IKBKB: variants seen among roughly 807,000 people sequenced by gnomAD.
IKBKB encodes inhibitor of nuclear factor kappa B kinase subunit beta.
IKBKB carries 42 observed loss-of-function variants against 113.6 expected under a neutral mutation model. The ratio of observed to expected loss-of-function variants is 0.37; its 90% CI spans 0.29 to 0.48. IKBKB has a LOEUF of 0.48. Among genes scored for constraint, IKBKB ranks in the 20% least tolerant of loss-of-function variants. IKBKB has a pLI of 0.99. For missense variants in IKBKB, 673 were observed against 939.7 expected, an observed-to-expected ratio of 0.72 and a Z score of 3.71; for synonymous variants, 296 against 361.3, an observed-to-expected ratio of 0.82 and a Z score of 2.05.
At chr8:42,292,258 T>A (rs1812793929) in intron 4 of IKBKB, among the ~76,000 whole-genome samples, 2 of 152,212 alleles carry the variant, frequency 1.3e-5, no homozygotes, top group Non-Finnish European at 2.9e-5. Flanking sequence ...GTGGCCAGAT[T>A]ACAGAGGGCT....
At chr8:42,286,653 G>C (rs910482855) in intron 2 of IKBKB, among the ~76,000 whole-genome samples, 1 of 152,172 alleles carries the variant, frequency 6.6e-6, no homozygotes, top group Admixed American at 6.5e-5. Context: ...TTTTTGTAGA[G>C]ATGGGGTTTT....
intron 3 of IKBKB, among the ~76,000 whole-genome samples, chr8:42,289,110 G>T (rs1812037232): frequency 6.6e-6 from 1 of 152,204 alleles, no homozygotes. Context: ...AGCCGCTCGG[G>T]TGGCTGAGGC....
chr8:42,282,997 G>C (rs1291915069), intron 2 of IKBKB, among the ~76,000 whole-genome samples: 1 of 152,074 alleles, frequency 6.6e-6, no homozygotes, highest in Non-Finnish European at 1.5e-5. Flanking sequence ...AGTTAGTTTT[G>C]GTATCTATGC....
intron 2 of IKBKB, among the ~76,000 whole-genome samples, chr8:42,274,240 T>C (rs76377367): frequency 2.6e-3 from 399 of 152,136 alleles, no homozygotes; most frequent in African/African-American, 9.1e-3. Flanking sequence ...ATGTAGGCCA[T>C]GCCGGTCTCA....
At chr8:42,317,832 G>C in intron 12 of IKBKB, 61 bp downstream of exon 12, 2 of 1,244,406 alleles carry the variant, frequency 1.6e-6, no homozygotes. Flanking sequence ...GGACAAGGCA[G>C]GGAAGGGAGA....
Position 42,275,692 on chromosome 8 carries a change from G to A in IKBKB, c.105+3487G>A, listed in dbSNP as rs541909319. On this transcript the variant is annotated intron_variant, in intron 2 of 21. Transcript: ENST00000520810. ...TTTCTTTGTTCATTTGTTCATTGAT[G>A]GACATTTAGGTTGATTACATATTTT... 5.9e-5 allele frequency among the ~76,000 whole-genome samples: 9 copies of A among 152,256 alleles called. No homozygotes were observed. In the East Asian group the frequency reaches 1.7e-3, roughly 29 times the overall value.
intron 11 of IKBKB, chr8:42,317,174 C>G: frequency 2.1e-6 from 1 of 485,852 alleles, no homozygotes; most frequent in Non-Finnish European, 3.7e-6. Context: ...ACTCGAATCT[C>G]TCAAGTTGCC....
At chr8:42,295,005 T>C (rs941419412) in intron 5 of IKBKB, among the ~76,000 whole-genome samples, 1 of 152,106 alleles carries the variant, frequency 6.6e-6, no homozygotes, top group Non-Finnish European at 1.5e-5. Context: ...TGTTTCTCTT[T>C]GGTTAAAGCT....
At chr8:42,280,712 A>C (rs1037084343) in intron 2 of IKBKB, among the ~76,000 whole-genome samples, 1 of 152,084 alleles carries the variant, frequency 6.6e-6, no homozygotes, top group Non-Finnish European at 1.5e-5. Context: ...GGCTGTGAGG[A>C]GGGCCAGGAA....
At chr8:42,330,342 T>C in intron 21 of IKBKB, 1 of 978,516 alleles carries the variant, frequency 1.0e-6, no homozygotes, top group Non-Finnish European at 1.2e-6. Flanking sequence ...CTTTTTAATT[T>C]GTATTTGTTT....
At chr8:42,302,225 A>T (rs1052915549) in intron 5 of IKBKB, among the ~76,000 whole-genome samples, 3 of 152,214 alleles carry the variant, frequency 2.0e-5, no homozygotes, top group African/African-American at 7.2e-5. Context: ...TTGATTTTTA[A>T]TAAAAGTAAA....
chr8:42,273,872 C>T (rs755837154), intron 2 of IKBKB, among the ~76,000 whole-genome samples: 7 of 151,974 alleles, frequency 4.6e-5, no homozygotes, highest in African/African-American at 7.3e-5. Context: ...TTTTAATTGA[C>T]ACATAATAAT....
At chr8:42,284,618 A>T (rs1359685497) in intron 2 of IKBKB, among the ~76,000 whole-genome samples, 1 of 151,942 alleles carries the variant, frequency 6.6e-6, no homozygotes, top group Non-Finnish European at 1.5e-5. Flanking sequence ...ATACTGCTAC[A>T]ACAGGAATTG....
intron 15 of IKBKB, 89 bp downstream of exon 15, chr8:42,319,735 A>C (rs1038135388): frequency 9.7e-5 from 108 of 1,108,350 alleles, no homozygotes; most frequent in Non-Finnish European, 1.4e-4. Context: ...CACTGGGTCG[A>C]TCTCTGTCAA....
chr8:42,321,099 G>T (rs975922350), intron 16 of IKBKB: 6 of 358,622 alleles, frequency 1.7e-5, no homozygotes, highest in Non-Finnish European at 3.0e-5. Context: ...GCCATAATCT[G>T]TAAAGGCTGT....
intron 5 of IKBKB, among the ~76,000 whole-genome samples, chr8:42,299,983 C>T (rs563534492): frequency 8.7e-4 from 132 of 152,314 alleles, no homozygotes; most frequent in African/African-American, 3.1e-3. Flanking sequence ...CCAGACTGTG[C>T]AGGAAGTTAG....
intron 5 of IKBKB, among the ~76,000 whole-genome samples, chr8:42,300,536 C>T (rs574595874): frequency 4.6e-5 from 7 of 152,276 alleles, no homozygotes; most frequent in Admixed American, 4.6e-4. Context: ...AGTCTTGCTG[C>T]TCTTATCTGT....
intron 5 of IKBKB, among the ~76,000 whole-genome samples, chr8:42,299,651 C>T (rs1054202296): frequency 2.0e-5 from 3 of 151,566 alleles, no homozygotes; most frequent in Admixed American, 1.3e-4. Flanking sequence ...AACCTCTGCA[C>T]GTGACCCACA....
chr8:42,280,042 C>A (rs1022289363), intron 2 of IKBKB, among the ~76,000 whole-genome samples: 1 of 152,174 alleles, frequency 6.6e-6, no homozygotes, highest in East Asian at 1.9e-4. Context: ...GAGATGAGGT[C>A]TTTCTATGTT....
Sources: allele counts gnomAD v4.1 joint callset (sites outside exome capture counted in the v4.1 genomes callset), GRCh38; gene constraint gnomAD v4.1.1; transcripts MANE v1.5; gene names NCBI Gene and HGNC (gene_info 2026-07-23, HGNC 2026-07-21).